The following CAB39 variants were observed in gnomAD, a reference collection of about 807,000 sequenced individuals.
CAB39 encodes calcium binding protein 39.
Under a neutral mutation model 40.0 loss-of-function variants are expected in CAB39, and 8 were observed. The observed-to-expected ratio is 0.20, with a 90% CI of 0.12 to 0.36. The LOEUF (loss-of-function observed/expected upper bound fraction) is 0.36, where lower values mean the gene tolerates loss of function less well. Ranked by LOEUF, CAB39 falls within the 10% of genes least tolerant of loss-of-function variation. The pLI is 1.00. For synonymous variants in CAB39, 156 were observed against 141.6 expected (o/e 1.10, Z -0.72); for missense variants, 270 against 401.1 (o/e 0.67, Z 2.79).
rs971865332 is a variant in CAB39, at chr2:230,820,048, A to T, written c.*1344A>T. 1.3e-5 allele frequency: 2 copies of T among 152,660 alleles called. No homozygotes were observed. Among genetic ancestry groups the T allele is most frequent in the African/African-American group, 4.8e-5 (2 of 41,448 alleles). 9.5% of individuals were successfully genotyped at this position (152,660 alleles called of 1,614,324 possible). A position where few individuals can be genotyped will look rare whatever the true frequency, so the allele number is the denominator to read the frequency against. On this transcript the variant is annotated 3_prime_UTR_variant, in exon 9 of 9. Transcript: ENST00000258418. The stretch of plus-strand genomic sequence containing the variant: ...TTAATGCTGCAAATTATCAGTATTT[A>T]TAAAGTAACTGATTTTGCACCACTT...
chr2:230,715,715 T>C (rs1406408612), intron 1 of CAB39, among the ~76,000 whole-genome samples: 1 of 152,248 alleles, frequency 6.6e-6, no homozygotes, highest in African/African-American at 2.4e-5. Flanking sequence ...TTTTGTTTTG[T>C]TTTTTGAGAC....
chr2:230,798,728 G>C lies in CAB39; in HGVS notation c.399-1G>C. 1 of 1,576,040 alleles carries C rather than the reference G, an allele frequency of 6.3e-7. No individual in the cohort carries two copies. Among genetic ancestry groups the C allele is most frequent in the Non-Finnish European group, 8.6e-7 (1 of 1,158,748 alleles). On this transcript the variant is annotated splice_acceptor_variant, in intron 4 of 8. Transcript: ENST00000258418. LOFTEE classifies it high-confidence loss of function. ...GTTTGTTTGGTTTTTTGTTTTTGCAGGTATGAATCTCCAGAAATAGCTCTA... is the reference window on the plus strand; with the variant it reads ...GTTTGTTTGGTTTTTTGTTTTTGCACGTATGAATCTCCAGAAATAGCTCTA...
chr2:230,774,346 G>A (rs1695547841), intron 2 of CAB39, among the ~76,000 whole-genome samples: 1 of 152,118 alleles, frequency 6.6e-6, no homozygotes, highest in Non-Finnish European at 1.5e-5. Flanking sequence ...ATTAAGAATT[G>A]TGTATGATAC....
chr2:230,788,560 ACTTC>A (rs1156630804), intron 2 of CAB39, among the ~76,000 whole-genome samples: 3 of 152,114 alleles, frequency 2.0e-5, no homozygotes, highest in African/African-American at 4.8e-5. Context: ...AGCCAGTAGG[ACTTC>A]CTTAAATATT....
chr2:230,800,246 A>G (rs150129097), intron 5 of CAB39, among the ~76,000 whole-genome samples: 16 of 152,262 alleles, frequency 1.1e-4, no homozygotes, highest in African/African-American at 3.4e-4. Context: ...CCCTAAAGAT[A>G]GGATGAAACC....
intron 8 of CAB39, chr2:230,818,223 T>C (rs16827587): frequency 0.14 from 60,167 of 445,326 alleles, 4,531 homozygotes; most frequent in Middle Eastern, 0.16. Context: ...CCTCTTGTGC[T>C]GAGAAATAAT....
chr2:230,773,314 A>ATGTGTGTGTGTGTGTG (rs71052549), intron 2 of CAB39, among the ~76,000 whole-genome samples: 1,335 of 132,648 alleles, frequency 0.01, 11 homozygotes, highest in Middle Eastern at 0.015. Flanking sequence ...ATATATATAT[A>ATGTGTGTGTGTGTGTG]TGTGTGTGTG....
At position 230,820,862 on chromosome 2, in the gene CAB39, A is replaced by G. The variant is rs1160129533; in HGVS notation, c.*2158A>G. 4 of 152,622 alleles carry G rather than the reference A, an allele frequency of 2.6e-5. No individual in the cohort carries two copies. Among genetic ancestry groups the G allele is most frequent in the African/African-American group, 4.8e-5 (2 of 41,432 alleles). The allele number at this position is 152,622 out of a possible 1,614,324, so 9.5% of individuals were successfully genotyped here. On this transcript the variant is annotated 3_prime_UTR_variant, in exon 9 of 9. Coordinates refer to ENST00000258418, the MANE Select transcript of CAB39 (RefSeq NM_016289.4). ...TTAATATATTCATATTACCAAGACT[A>G]TTATACTGGAAGTGGTTTTTGTGTT...
intron 1 of CAB39, among the ~76,000 whole-genome samples, chr2:230,722,326 A>G (rs1694468893): frequency 1.3e-5 from 2 of 152,172 alleles, no homozygotes; most frequent in African/African-American, 2.4e-5. Context: ...TTCTATTTAA[A>G]AAATATTTTT....
chr2:230,781,263 G>C (rs1695681870), intron 2 of CAB39, among the ~76,000 whole-genome samples: 2 of 152,156 alleles, frequency 1.3e-5, no homozygotes, highest in Admixed American at 1.3e-4. Context: ...TAGATGTTCA[G>C]ATAAAGGAGT....
At chr2:230,804,876 A>AC (rs930407990) in intron 5 of CAB39, among the ~76,000 whole-genome samples, 1 of 152,208 alleles carries the variant, frequency 6.6e-6, no homozygotes, top group African/African-American at 2.4e-5. Flanking sequence ...ATACCATTTG[A>AC]CCCAGTGATC....
chr2:230,769,746 A>T (rs1695450454), intron 2 of CAB39, among the ~76,000 whole-genome samples: 1 of 151,752 alleles, frequency 6.6e-6, no homozygotes, highest in South Asian at 2.1e-4. Context: ...TGGGAGACTG[A>T]GGCAGGCAAA....
chr2:230,725,349 G>A, intron 1 of CAB39: 12 of 1,590,432 alleles, frequency 7.5e-6, no homozygotes, highest in Non-Finnish European at 1.0e-5. Context: ...CTCCCCACTG[G>A]CTTCTCCCCC....
Position 230,725,225 on chromosome 2 carries a change from C to T in CAB39, c.-44+11995C>T, listed in dbSNP as rs112738058. On this transcript the variant is annotated intron_variant, in intron 1 of 8. Coordinates refer to ENST00000258418, the MANE Select transcript of CAB39 (RefSeq NM_016289.4). ...GCCACAAGTGTCTTTCAGCCATTCCCGGTAGAGGTCTTCATCTTTCTTTAG... is the reference window on the plus strand; with the variant it reads ...GCCACAAGTGTCTTTCAGCCATTCCTGGTAGAGGTCTTCATCTTTCTTTAG... 1.7e-3 allele frequency: 2,741 copies of T among 1,594,348 alleles called. 35 individuals are homozygous for T. In the African/African-American group the frequency reaches 0.028, roughly 16 times the overall value.
intron 5 of CAB39, among the ~76,000 whole-genome samples, chr2:230,804,940 A>T (rs913140899): frequency 3.3e-5 from 5 of 152,208 alleles, no homozygotes; most frequent in Non-Finnish European, 7.3e-5. Context: ...ATGAAGACAC[A>T]TGCACACGTA....
intron 1 of CAB39, among the ~76,000 whole-genome samples, chr2:230,731,625 C>T (rs149101765): frequency 6.6e-5 from 10 of 152,310 alleles, no homozygotes; most frequent in Non-Finnish European, 1.3e-4. Context: ...TCCTCAGCCT[C>T]TCAAGTAGCT....
intron 8 of CAB39, 124 bp from the exon 9 acceptor site, chr2:230,818,392 A>T (rs1696441310): frequency 1.5e-6 from 1 of 683,954 alleles, no homozygotes; most frequent in Non-Finnish European, 2.4e-6. Context: ...GCAAAACCTA[A>T]TGACCCTGAC....
At chr2:230,801,225 CATAATT>C (rs1301058790) in intron 5 of CAB39, among the ~76,000 whole-genome samples, 2 of 152,170 alleles carry the variant, frequency 1.3e-5, no homozygotes, top group African/African-American at 4.8e-5. Flanking sequence ...GACCTCCCAT[CATAATT>C]TCAGGGTAGC....
At chr2:230,750,362 C>T (rs1430968292) in intron 1 of CAB39, among the ~76,000 whole-genome samples, 1 of 152,228 alleles carries the variant, frequency 6.6e-6, no homozygotes, top group African/African-American at 2.4e-5. Context: ...GGTCTCTTTA[C>T]ATATGTCCAC....
Sources: gnomAD v4.1 joint callset for allele counts (sites outside exome capture counted in the v4.1 genomes callset) on GRCh38, gnomAD v4.1.1 for gene constraint, MANE v1.5 for transcripts, NCBI Gene and HGNC (gene_info 2026-07-23, HGNC 2026-07-21) for gene names.